The following ABCB11 variants were observed in gnomAD, a reference collection of about 807,000 sequenced individuals.
ABCB11 encodes ATP binding cassette subfamily B member 11.
ABCB11 carries 95 observed loss-of-function variants against 148.0 expected under a neutral mutation model. The ratio of observed to expected loss-of-function variants is 0.64; its 90% CI spans 0.54 to 0.76. The LOEUF (loss-of-function observed/expected upper bound fraction) is 0.76, where lower values mean the gene tolerates loss of function less well. Among genes scored for constraint, ABCB11 ranks in the 30% least tolerant of loss-of-function variants. The pLI is 0.00. For missense variants in ABCB11, 1,523 were observed against 1,617.8 expected, an observed-to-expected ratio of 0.94 and a Z score of 1.01; for synonymous variants, 591 against 555.4, an observed-to-expected ratio of 1.06 and a Z score of -0.90.
downstream of ABCB11, among the ~76,000 whole-genome samples, chr2:168,917,078 A>G (rs901790790): frequency 1.3e-5 from 2 of 152,222 alleles, no homozygotes; most frequent in Non-Finnish European, 2.9e-5. Flanking sequence ...AAATGAGTGT[A>G]TAATTGCCAA....
At chr2:168,959,716 A>G (rs1302871779) in intron 18 of ABCB11, among the ~76,000 whole-genome samples, 2 of 151,556 alleles carry the variant, frequency 1.3e-5, no homozygotes, top group Non-Finnish European at 3.0e-5. Flanking sequence ...GCCCATTATG[A>G]AAGAGTCAGG....
chr2:169,022,015 G>A (rs1435207243), intron 1 of ABCB11, among the ~76,000 whole-genome samples: 2 of 151,994 alleles, frequency 1.3e-5, no homozygotes, highest in Non-Finnish European at 2.9e-5. Flanking sequence ...AAAATTGTGT[G>A]TGTTACAAAC....
rs1483709459 is a variant in ABCB11 at position 168,976,551 on chromosome 2, A to AT, written c.1308+25dup. ...ATCATCGAAGAAGAAAACATTTACT[A>AT]TTCTGGGGAACAGACCAGCACTCAC... is the stretch of plus-strand genomic sequence containing the variant. On this transcript the variant is annotated intron_variant, in intron 12 of 27. Transcript: ENST00000650372. The AT allele has an allele frequency of 3.8e-6, 5 of 1,310,868 alleles. No individual in the cohort carries two copies. The East Asian group carries it at 1.3e-4, about 33-fold the overall frequency. The allele number at this position is 1,310,868 out of a possible 1,614,324, so 81.2% of individuals were successfully genotyped here.
chr2:168,970,528 A>C, intron 14 of ABCB11: 1 of 457,034 alleles, frequency 2.2e-6, no homozygotes, highest in Non-Finnish European at 3.9e-6. Context: ...TATCTATCTC[A>C]GAGGATTAAA....
chr2:168,949,139 T>C (rs1238903074), intron 19 of ABCB11, among the ~76,000 whole-genome samples: 1 of 151,656 alleles, frequency 6.6e-6, no homozygotes, highest in African/African-American at 2.4e-5. Flanking sequence ...AGGATTTATG[T>C]GTATATATGT....
At chr2:169,006,446 G>C (rs1215485010) in intron 5 of ABCB11, among the ~76,000 whole-genome samples, 3 of 152,094 alleles carry the variant, frequency 2.0e-5, no homozygotes, top group African/African-American at 7.2e-5. Context: ...ACTTAATGGT[G>C]AAAGACTAAA....
chr2:168,947,405 A>T lies in ABCB11; in HGVS notation c.2344-2444T>A, dbSNP rs561148041. Among the ~76,000 whole-genome samples the T allele has an allele frequency of 2.0e-5, 3 of 151,410 alleles. No homozygotes were observed. In the South Asian group the frequency reaches 6.2e-4, roughly 32 times the overall value. On this transcript the variant is annotated intron_variant, in intron 19 of 27. Transcript: ENST00000650372. ...AGTGCTGTGCTTGGAACATTGGCAC[A>T]TTTTCCAAGTCAAATGGACACAGGG...
intron 9 of ABCB11, among the ~76,000 whole-genome samples, chr2:168,986,549 A>C (rs1694334622): frequency 1.3e-5 from 2 of 152,120 alleles, no homozygotes; most frequent in African/African-American, 4.8e-5. Context: ...GCTTGGCCCC[A>C]AGAGAAAAGA....
chr2:169,020,801 T>C (rs763839679), intron 1 of ABCB11, among the ~76,000 whole-genome samples: 6 of 152,112 alleles, frequency 3.9e-5, no homozygotes, highest in Non-Finnish European at 5.9e-5. Flanking sequence ...GAAAATGTTC[T>C]AAAGTTAGAT....
intron 19 of ABCB11, among the ~76,000 whole-genome samples, chr2:168,954,834 C>A (rs188426486): frequency 2.6e-5 from 4 of 151,736 alleles, no homozygotes; most frequent in Admixed American, 6.6e-5. Flanking sequence ...CTTTTGATCT[C>A]TCTTCCCTTT....
At chr2:168,991,073 T>C (rs754837345) in intron 8 of ABCB11, 148 bp from the exon 9 acceptor site, 1 of 1,050,690 alleles carries the variant, frequency 9.5e-7, no homozygotes, top group Non-Finnish European at 1.3e-6. Flanking sequence ...AGAAATCTGG[T>C]CCAAATTTGG....
In ABCB11 at chr2:168,922,979, A is replaced by G. The variant is rs1430775312; in HGVS notation, c.*643T>C. On this transcript the variant is annotated 3_prime_UTR_variant, in exon 28 of 28. Coordinates refer to ENST00000650372, the MANE Select transcript of ABCB11 (RefSeq NM_003742.4). ...ACACTCACTCTGAAGTTAAAGCATA[A>G]ATCAACAGCCCTAACTGGAAAGCTC... The G allele has an allele frequency of 6.5e-6, 1 of 153,344 alleles. No homozygotes were observed. Among genetic ancestry groups the G allele is most frequent in the African/African-American group, 2.4e-5 (1 of 41,406 alleles). The allele number at this position is 153,344 out of a possible 1,614,324, so 9.5% of individuals were successfully genotyped here.
At chr2:169,015,788 A>T (rs1295936840) in intron 3 of ABCB11, among the ~76,000 whole-genome samples, 1 of 152,068 alleles carries the variant, frequency 6.6e-6, no homozygotes, top group East Asian at 1.9e-4. Flanking sequence ...AATGTTTATT[A>T]TATCTCCCTC....
chr2:169,014,228 A>AG, intron 4 of ABCB11, 75 bp downstream of exon 4: 3 of 1,403,096 alleles, frequency 2.1e-6, no homozygotes, highest in Non-Finnish European at 3.0e-6. Context: ...ATGACTAAAG[A>AG]TTTAACACTC....
intron 15 of ABCB11, among the ~76,000 whole-genome samples, 176 bp from the exon 16 acceptor site, chr2:168,969,727 A>G (rs561316445): frequency 6.6e-6 from 1 of 152,162 alleles, no homozygotes; most frequent in East Asian, 1.9e-4. Flanking sequence ...ATAAACCCCA[A>G]CACACACTGG....
chr2:169,003,954 T>C (rs972878604), intron 5 of ABCB11, among the ~76,000 whole-genome samples: 1 of 152,204 alleles, frequency 6.6e-6, no homozygotes, highest in Non-Finnish European at 1.5e-5. Flanking sequence ...ATAATTGTTT[T>C]GGTTAATGAG....
chr2:168,978,865 A>C (rs918830067), intron 11 of ABCB11, among the ~76,000 whole-genome samples: 1 of 152,014 alleles, frequency 6.6e-6, no homozygotes, highest in East Asian at 1.9e-4. Context: ...GACTACAGGC[A>C]CATGCCATCT....
chr2:168,934,644 T>C (rs887416726), intron 23 of ABCB11, among the ~76,000 whole-genome samples: 3 of 152,202 alleles, frequency 2.0e-5, no homozygotes, highest in Admixed American at 6.5e-5. Flanking sequence ...TGAACCATCT[T>C]AGCCAAGACC....
chr2:168,969,998 A>G, intron 15 of ABCB11, 47 bp downstream of exon 15: 1 of 1,497,968 alleles, frequency 6.7e-7, no homozygotes. Flanking sequence ...GCAGCAGCAC[A>G]AGCATTTCCA....
Sources: gnomAD v4.1 joint callset for allele counts (sites outside exome capture counted in the v4.1 genomes callset) on GRCh38, gnomAD v4.1.1 for gene constraint, MANE v1.5 for transcripts, NCBI Gene and HGNC (gene_info 2026-07-23, HGNC 2026-07-21) for gene names.